The following GALNT17 variants were observed in gnomAD, a reference collection of about 807,000 sequenced individuals.
GALNT17 encodes the protein polypeptide N-acetylgalactosaminyltransferase 17, also known as UDP-GalNAc:polypeptide N-acetylgalactosaminyltransferase-like 3.
Under a neutral mutation model 63.7 loss-of-function variants are expected in GALNT17, and 29 were observed. That is an observed-to-expected ratio of 0.46 (90% CI 0.34 to 0.62). The LOEUF is 0.62. GALNT17 is among the 20% of genes least tolerant of loss of function. GALNT17 has a pLI of 0.01. For synonymous variants in GALNT17, 305 were observed against 318.3 expected (o/e 0.96, Z 0.45); for missense variants, 603 against 799.6 (o/e 0.75, Z 2.97).
chr7:71,393,822 C>T (rs1793091932), intron 3 of GALNT17, among the ~76,000 whole-genome samples: 1 of 152,218 alleles, frequency 6.6e-6, no homozygotes, highest in African/African-American at 2.4e-5. Context: ...GTACTCTGTA[C>T]ATCCAGCTGA....
At chr7:71,512,247 C>T (rs562876597) in intron 5 of GALNT17, among the ~76,000 whole-genome samples, 11 of 152,194 alleles carry the variant, frequency 7.2e-5, no homozygotes, top group East Asian at 5.8e-4. Flanking sequence ...TCAAGTGATC[C>T]GCCCGCCTCA....
At chr7:71,407,121 G>T (rs1793342086) in intron 3 of GALNT17, among the ~76,000 whole-genome samples, 1 of 152,194 alleles carries the variant, frequency 6.6e-6, no homozygotes, top group Non-Finnish European at 1.5e-5. Flanking sequence ...GGAGGGCCCA[G>T]GGTATGGTCA....
intron 2 of GALNT17, among the ~76,000 whole-genome samples, chr7:71,361,669 C>T (rs560755681): frequency 6.6e-6 from 1 of 152,050 alleles, no homozygotes; most frequent in African/African-American, 2.4e-5. Flanking sequence ...TGTTGAGTTT[C>T]GTTGAGTTTT....
At chr7:71,201,888 C>T in intron 1 of GALNT17, among the ~76,000 whole-genome samples, 1 of 152,206 alleles carries the variant, frequency 6.6e-6, no homozygotes, top group Non-Finnish European at 1.5e-5. Context: ...CCGCCTCTGC[C>T]TCCCAGAGTG....
chr7:71,579,877 G>C (rs1262998615), intron 6 of GALNT17, among the ~76,000 whole-genome samples: 1 of 152,258 alleles, frequency 6.6e-6, no homozygotes, highest in South Asian at 2.1e-4. Context: ...AAGAGAGAGA[G>C]AGGGAGAGAC....
chr7:71,397,277 G>GA (rs1291305549), intron 3 of GALNT17, among the ~76,000 whole-genome samples: 1 of 152,094 alleles, frequency 6.6e-6, no homozygotes, highest in Non-Finnish European at 1.5e-5. Flanking sequence ...GTAAACATGG[G>GA]ACTCACCATA....
intron 6 of GALNT17, among the ~76,000 whole-genome samples, chr7:71,575,034 T>C (rs1435183210): frequency 9.2e-5 from 14 of 152,202 alleles, no homozygotes; most frequent in Non-Finnish European, 1.5e-5. Flanking sequence ...TTTAACTTCA[T>C]GTACGGGTGT....
At chr7:71,428,659 G>C (rs1248203109) in intron 5 of GALNT17, among the ~76,000 whole-genome samples, 1 of 152,038 alleles carries the variant, frequency 6.6e-6, no homozygotes, top group Non-Finnish European at 1.5e-5. Context: ...GGATGGTCTC[G>C]ATCTCTTGAC....
intron 6 of GALNT17, among the ~76,000 whole-genome samples, chr7:71,648,898 A>G (rs1043833990): frequency 2.0e-5 from 3 of 152,258 alleles, no homozygotes; most frequent in African/African-American, 7.2e-5. Context: ...CTGTGACTCC[A>G]GGACTATCTT....
intron 5 of GALNT17, among the ~76,000 whole-genome samples, chr7:71,502,121 C>G (rs1278034951): frequency 1.3e-5 from 2 of 152,192 alleles, no homozygotes; most frequent in Non-Finnish European, 2.9e-5. Context: ...GCATTAAAAT[C>G]AAAGCAAAAA....
intron 1 of GALNT17, among the ~76,000 whole-genome samples, chr7:71,231,388 G>A (rs1789785642): frequency 6.6e-6 from 1 of 152,108 alleles, no homozygotes; most frequent in African/African-American, 2.4e-5. Context: ...CTGCAACATG[G>A]CAGGCGATTT....
At chr7:71,189,882 C>T (rs1213195687) in intron 1 of GALNT17, among the ~76,000 whole-genome samples, 4 of 150,634 alleles carry the variant, frequency 2.7e-5, no homozygotes, top group Admixed American at 2.6e-4. Flanking sequence ...GTGATCTCAG[C>T]TCACTGCAAC....
chr7:71,156,639 C>T (rs1788240977), intron 1 of GALNT17, among the ~76,000 whole-genome samples: 1 of 135,448 alleles, frequency 7.4e-6, no homozygotes, highest in African/African-American at 3.1e-5. Flanking sequence ...GCCTTCCTTC[C>T]CTTCCCCTCC....
chr7:71,355,416 T>C (rs956386264), intron 2 of GALNT17, among the ~76,000 whole-genome samples: 2 of 152,224 alleles, frequency 1.3e-5, no homozygotes, highest in Admixed American at 6.5e-5. Flanking sequence ...TGCTTTAACT[T>C]CGGTTTGTAT....
intron 2 of GALNT17, among the ~76,000 whole-genome samples, chr7:71,366,579 C>T (rs1792514220): frequency 9.3e-6 from 1 of 107,724 alleles, no homozygotes; most frequent in African/African-American, 4.5e-5. Context: ...GACTCTGTCT[C>T]AAACAAACAA....
chr7:71,368,919 G>GGT, intron 2 of GALNT17, among the ~76,000 whole-genome samples: 1 of 133,146 alleles, frequency 7.5e-6, no homozygotes. Context: ...TTTCCTCGGG[G>GGT]GTGGGGGGGG....
intron 1 of GALNT17, among the ~76,000 whole-genome samples, chr7:71,197,892 A>T (rs1433939810): frequency 6.6e-6 from 1 of 151,900 alleles, no homozygotes. Context: ...TATTTATTGT[A>T]ATCTTCTGTA....
At chr7:71,487,180 C>T (rs1445290197) in intron 5 of GALNT17, among the ~76,000 whole-genome samples, 2 of 152,208 alleles carry the variant, frequency 1.3e-5, no homozygotes, top group Non-Finnish European at 2.9e-5. Context: ...TCCCTCACTC[C>T]CTGTACCCAA....
chr7:71,404,764 G>A (rs1793298702), intron 3 of GALNT17, among the ~76,000 whole-genome samples: 1 of 152,126 alleles, frequency 6.6e-6, no homozygotes. Context: ...AGAGTTGGAG[G>A]CCCAAAAGAT....
Sources: allele counts gnomAD v4.1 joint callset (sites outside exome capture counted in the v4.1 genomes callset), GRCh38; gene constraint gnomAD v4.1.1; transcripts MANE v1.5; gene names NCBI Gene and HGNC (gene_info 2026-07-23, HGNC 2026-07-21).